The following MTUS2 variants were observed in gnomAD, a reference collection of about 807,000 sequenced individuals.
The protein encoded by MTUS2 is microtubule associated scaffold protein 2.
MTUS2 carries 40 observed loss-of-function variants against 114.1 expected under a neutral mutation model. That is an observed-to-expected ratio of 0.35 (90% CI 0.27 to 0.46). The LOEUF (loss-of-function observed/expected upper bound fraction) is 0.46, where lower values mean the gene tolerates loss of function less well. MTUS2 is among the 20% of genes least tolerant of loss of function. MTUS2 has a pLI of 1.00. For missense variants in MTUS2, 1,679 were observed against 1,705.4 expected (o/e 0.98, Z 0.27); for synonymous variants, 688 against 672.0 (o/e 1.02, Z -0.37).
chr13:29,363,052 A>C (rs1870401574), intron 8 of MTUS2, among the ~76,000 whole-genome samples: 1 of 152,182 alleles, frequency 6.6e-6, no homozygotes, highest in Non-Finnish European at 1.5e-5. Context: ...GATCTGCTGT[A>C]TCCATGCTCC....
intron 2 of MTUS2, among the ~76,000 whole-genome samples, chr13:28,965,462 T>C (rs920479383): frequency 6.6e-6 from 1 of 152,224 alleles, no homozygotes; most frequent in East Asian, 1.9e-4. Flanking sequence ...GAGAACTGCC[T>C]GGAAGCCTCT....
intron 2 of MTUS2, among the ~76,000 whole-genome samples, chr13:28,995,489 G>A (rs1292147750): frequency 3.9e-5 from 6 of 152,122 alleles, no homozygotes; most frequent in Non-Finnish European, 5.9e-5. Flanking sequence ...ATTACCTTGG[G>A]CAGTATGGCC....
intron 8 of MTUS2, among the ~76,000 whole-genome samples, chr13:29,387,846 G>C (rs1289966757): frequency 6.6e-6 from 1 of 152,108 alleles, no homozygotes; most frequent in Non-Finnish European, 1.5e-5. Flanking sequence ...GTGATCTGAA[G>C]TCCCGTGAAA....
chr13:29,147,475 G>C (rs190077768), intron 5 of MTUS2, among the ~76,000 whole-genome samples: 19 of 152,214 alleles, frequency 1.2e-4, no homozygotes, highest in Admixed American at 6.5e-4. Flanking sequence ...TACATGTACA[G>C]GTTTGTTACA....
intron 4 of MTUS2, among the ~76,000 whole-genome samples, chr13:29,083,780 G>C (rs1033343019): frequency 2.0e-5 from 3 of 152,096 alleles, no homozygotes; most frequent in Non-Finnish European, 2.9e-5. Context: ...CTAGGGGTAT[G>C]GTCCATGGGG....
At chr13:29,220,020 A>T in intron 5 of MTUS2, among the ~76,000 whole-genome samples, 1 of 148,032 alleles carries the variant, frequency 6.8e-6, no homozygotes, top group African/African-American at 2.5e-5. Context: ...TTTGAGACAG[A>T]GTTTTGCTCT....
chr13:29,457,402 C>A (rs1879196486), intron 9 of MTUS2, among the ~76,000 whole-genome samples: 1 of 151,844 alleles, frequency 6.6e-6, no homozygotes, highest in Non-Finnish European at 1.5e-5. Context: ...AGTATATATT[C>A]TTCTGTGTCT....
chr13:28,832,052 CTG>C (rs1287265349), intron 1 of MTUS2, among the ~76,000 whole-genome samples: 1 of 152,130 alleles, frequency 6.6e-6, no homozygotes, highest in African/African-American at 2.4e-5. Flanking sequence ...GTGTGAGCCA[CTG>C]TGCCTGGCAT....
At chr13:28,924,177 C>T (rs922296635) in intron 2 of MTUS2, among the ~76,000 whole-genome samples, 9 of 152,130 alleles carry the variant, frequency 5.9e-5, no homozygotes, top group African/African-American at 1.7e-4. Context: ...CCTAAGCCAC[C>T]GTGCTGCTTA....
At chr13:29,254,224 C>G (rs989910437) in intron 5 of MTUS2, among the ~76,000 whole-genome samples, 1 of 152,122 alleles carries the variant, frequency 6.6e-6, no homozygotes. Context: ...TTCTTAGATG[C>G]TTAGCTCCAC....
chr13:29,396,021 G>A (rs920456159), intron 8 of MTUS2, among the ~76,000 whole-genome samples: 2 of 152,188 alleles, frequency 1.3e-5, no homozygotes, highest in African/African-American at 2.4e-5. Context: ...ACAGTTGTTT[G>A]TGGACCAAAA....
At chr13:29,347,654 A>G (rs548488650) in intron 7 of MTUS2, among the ~76,000 whole-genome samples, 1 of 152,274 alleles carries the variant, frequency 6.6e-6, no homozygotes, top group South Asian at 2.1e-4. Context: ...TGATTCAAGT[A>G]TAACACTAAT....
intron 8 of MTUS2, among the ~76,000 whole-genome samples, chr13:29,368,196 C>G (rs1870896299): frequency 6.6e-6 from 1 of 151,782 alleles, no homozygotes; most frequent in Non-Finnish European, 1.5e-5. Context: ...CCTCGACCTC[C>G]CAAAGTGCTG....
chr13:29,029,245 A>G (rs1403715604), intron 3 of MTUS2, among the ~76,000 whole-genome samples: 2 of 152,162 alleles, frequency 1.3e-5, no homozygotes, highest in Non-Finnish European at 2.9e-5. Flanking sequence ...GGGTCCAGTC[A>G]GCTTGGCAGG....
chr13:29,307,305 C>A, intron 6 of MTUS2: 1 of 672,502 alleles, frequency 1.5e-6, no homozygotes, highest in East Asian at 2.7e-5. Flanking sequence ...GACTCATGAC[C>A]ACAGTCCATG....
intron 2 of MTUS2, among the ~76,000 whole-genome samples, chr13:28,848,248 T>C (rs1876019469): frequency 6.6e-6 from 1 of 152,180 alleles, no homozygotes; most frequent in African/African-American, 2.4e-5. Context: ...TAGCCCAATA[T>C]ACAAACAACT....
At chr13:29,181,172 C>A (rs1172486125) in intron 5 of MTUS2, among the ~76,000 whole-genome samples, 1 of 151,860 alleles carries the variant, frequency 6.6e-6, no homozygotes, top group African/African-American at 2.4e-5. Flanking sequence ...CTCGATGGGC[C>A]CGGAGGTCAC....
chr13:29,492,704 G>A lies in MTUS2; in HGVS notation c.3564G>A (p.Leu1188=). ...AATTGGAAGAAAATTTTGAAAAACTGCGGCTGTCATTGCAGGTTAGTATTT... is the reference window on the plus strand; with the variant it reads ...AATTGGAAGAAAATTTTGAAAAACTACGGCTGTCATTGCAGGTTAGTATTT... ...KKELEENFEK[L]RLSLQDQVDT... The change falls in exon 12 of 16, where the codon CTG becomes CTA. Residue 1188 remains leucine, a synonymous_variant. Transcript: ENST00000612955. 1.2e-6 allele frequency: 2 copies of A among 1,613,308 alleles called. No homozygotes were observed. Among genetic ancestry groups the A allele is most frequent in the Non-Finnish European group, 1.7e-6 (2 of 1,179,354 alleles).
intron 6 of MTUS2, among the ~76,000 whole-genome samples, chr13:29,294,401 C>T (rs1451932252): frequency 6.6e-6 from 1 of 152,000 alleles, no homozygotes; most frequent in East Asian, 1.9e-4. Context: ...TGCTTGTCTC[C>T]TGTTCATTTA....
Sources: allele counts gnomAD v4.1 joint callset (sites outside exome capture counted in the v4.1 genomes callset), GRCh38; gene constraint gnomAD v4.1.1; transcripts MANE v1.5; gene names NCBI Gene and HGNC (gene_info 2026-07-23, HGNC 2026-07-21).